The following PLEKHF2 variants were observed in gnomAD, a reference collection of about 807,000 sequenced individuals.
PLEKHF2 encodes the protein pleckstrin homology domain-containing family F member 2.
In PLEKHF2, 4 loss-of-function variants were observed where a neutral mutation model predicts 14.7. The observed-to-expected ratio is 0.27, with a 90% CI of 0.13 to 0.62. The LOEUF (loss-of-function observed/expected upper bound fraction) is 0.62, where lower values mean the gene tolerates loss of function less well. PLEKHF2 is among the 20% of genes least tolerant of loss of function. PLEKHF2 has a pLI of 0.85. For synonymous variants in PLEKHF2, 90 were observed against 103.5 expected, an observed-to-expected ratio of 0.87 and a Z score of 0.79; for missense variants, 201 against 307.7, an observed-to-expected ratio of 0.65 and a Z score of 2.60.
At position 95,155,959 on chromosome 8, in the gene PLEKHF2, A is replaced by G. The variant is rs534267639; in HGVS notation, c.*1165A>G. ...ATTTCTATTTTTGTAAAACAATTGTATGTATAATCTGTATTTGAAATCATT... is the reference window on the plus strand; with the variant it reads ...ATTTCTATTTTTGTAAAACAATTGTGTGTATAATCTGTATTTGAAATCATT... On this transcript the variant is annotated 3_prime_UTR_variant, in exon 2 of 2. Coordinates refer to ENST00000315367, the MANE Select transcript of PLEKHF2 (RefSeq NM_024613.4). 12 of 167,182 alleles carry G rather than the reference A, an allele frequency of 7.2e-5. No individual in the cohort carries two copies. The East Asian group carries it at 2.3e-3, about 32-fold the overall frequency. The allele number at this position is 167,182 out of a possible 1,614,324, so 10.4% of individuals were successfully genotyped here.
rs1165050462 is a variant in PLEKHF2, at chr8:95,151,874, A to AT, written c.-14-2151dup. 2.6e-5 allele frequency among the ~76,000 whole-genome samples: 4 copies of AT among 152,158 alleles called. No homozygotes were observed. The East Asian group carries it at 7.7e-4, about 29-fold the overall frequency. On this transcript the variant is annotated intron_variant, in intron 1 of 1. Coordinates refer to ENST00000315367, the MANE Select transcript of PLEKHF2 (RefSeq NM_024613.4). ...TACCATTGTTGATAGTATAGTATAT[A>AT]TTTTTTAACTTTATGTTGTGTGTGT...
chr8:95,139,899 C>T (rs1317292839), intron 1 of PLEKHF2, among the ~76,000 whole-genome samples: 2 of 151,488 alleles, frequency 1.3e-5, no homozygotes, highest in Non-Finnish European at 1.5e-5. Flanking sequence ...CATATGAGAG[C>T]AGGTTGAAAA....
intron 1 of PLEKHF2, among the ~76,000 whole-genome samples, chr8:95,147,909 G>A (rs1330045728): frequency 1.3e-5 from 2 of 151,866 alleles, no homozygotes; most frequent in Non-Finnish European, 2.9e-5. Flanking sequence ...TATTAGACAA[G>A]TCAGAAGATA....
At chr8:95,141,770 C>T (rs1321196652) in intron 1 of PLEKHF2, among the ~76,000 whole-genome samples, 1 of 151,284 alleles carries the variant, frequency 6.6e-6, no homozygotes, top group Non-Finnish European at 1.5e-5. Flanking sequence ...GAACTCCTGA[C>T]CTCAAGTGAT....
Position 95,154,740 on chromosome 8 carries a change from G to A in PLEKHF2, c.696G>A (p.Lys232=), listed in dbSNP as rs1315768046. The change falls in exon 2 of 2, where the codon AAG becomes AAA. Residue 232 remains lysine, a synonymous_variant. Coordinates refer to ENST00000315367, the MANE Select transcript of PLEKHF2 (RefSeq NM_024613.4). The surrounding 1 kb of genome is among the most constrained non-coding windows in gnomAD (Gnocchi z 5.6). ...ARSDSYSQSL[K]SPLNDMSDDD... ...CAGACTCTTACAGCCAGTCATTGAA[G>A]TCTCCTTTAAATGATATGTCTGATG... 3 of 1,613,968 alleles carry A rather than the reference G, an allele frequency of 1.9e-6. No individual in the cohort carries two copies. The highest frequency in any genetic ancestry group is 2.5e-6 in the Non-Finnish European group (3 of 1,179,986).
intron 1 of PLEKHF2, among the ~76,000 whole-genome samples, chr8:95,147,263 C>T (rs949171451): frequency 5.9e-5 from 9 of 151,992 alleles, no homozygotes; most frequent in African/African-American, 2.2e-4. Flanking sequence ...CTCCGGTGCA[C>T]AGGTCTTACC....
intron 1 of PLEKHF2, among the ~76,000 whole-genome samples, chr8:95,142,337 G>A (rs1441399): frequency 0.33 from 50,069 of 151,906 alleles, 10,105 homozygotes; most frequent in African/African-American, 0.56. Flanking sequence ...TCACTGCAGC[G>A]TTGGCCCCCC....
At chr8:95,149,252 C>T (rs1474535887) in intron 1 of PLEKHF2, among the ~76,000 whole-genome samples, 1 of 152,216 alleles carries the variant, frequency 6.6e-6, no homozygotes, top group East Asian at 1.9e-4. Flanking sequence ...TCCCTTAAGA[C>T]TCAGTTTATA....
At chr8:95,149,434 A>G (rs1293225393) in intron 1 of PLEKHF2, among the ~76,000 whole-genome samples, 1 of 152,226 alleles carries the variant, frequency 6.6e-6, no homozygotes, top group South Asian at 2.1e-4. Context: ...AAAGCGTAAT[A>G]CCCAGCATCT....
At chr8:95,137,079 T>A (rs1485891666) in intron 1 of PLEKHF2, among the ~76,000 whole-genome samples, 1 of 152,238 alleles carries the variant, frequency 6.6e-6, no homozygotes, top group Non-Finnish European at 1.5e-5. Flanking sequence ...GCATGTAGGA[T>A]GGACTGGAAC....
chr8:95,146,025 G>T (rs1362691931), intron 1 of PLEKHF2, among the ~76,000 whole-genome samples: 3 of 151,920 alleles, frequency 2.0e-5, no homozygotes, highest in Non-Finnish European at 4.4e-5. Flanking sequence ...TACATTTTCG[G>T]TAAAGTTTCA....
rs1810608957 is a variant in PLEKHF2 at position 95,155,495 on chromosome 8, GATT to G, written c.*704_*706del. 1 of 166,834 alleles carries G rather than the reference GATT, an allele frequency of 6.0e-6. No individual in the cohort carries two copies. Among genetic ancestry groups the G allele is most frequent in the Non-Finnish European group, 1.5e-5 (1 of 68,054 alleles). 10.3% of individuals were successfully genotyped at this position (166,834 alleles called of 1,614,324 possible). Reference sequence around the variant, plus strand: ...AAATATTTTTCCATAAAATAGTTGTGATTATATTTTTGTTTTATATAGGTCCCA... The same window carrying G: ...AAATATTTTTCCATAAAATAGTTGTGATATTTTTGTTTTATATAGGTCCCA... On this transcript the variant is annotated 3_prime_UTR_variant, in exon 2 of 2. Coordinates refer to ENST00000315367, the MANE Select transcript of PLEKHF2 (RefSeq NM_024613.4).
chr8:95,145,514 C>A (rs1179606933), intron 1 of PLEKHF2, among the ~76,000 whole-genome samples: 1 of 151,704 alleles, frequency 6.6e-6, no homozygotes, highest in African/African-American at 2.4e-5. Context: ...AGCTCCACTT[C>A]TCGGGTTCAA....
At chr8:95,143,248 C>T (rs1386932142) in intron 1 of PLEKHF2, among the ~76,000 whole-genome samples, 1 of 151,932 alleles carries the variant, frequency 6.6e-6, no homozygotes, top group South Asian at 2.1e-4. Context: ...TCCAGGCGCC[C>T]GCTACCGTGC....
At chr8:95,144,772 C>T (rs921816550) in intron 1 of PLEKHF2, among the ~76,000 whole-genome samples, 3 of 147,660 alleles carry the variant, frequency 2.0e-5, no homozygotes, top group Non-Finnish European at 4.5e-5. Flanking sequence ...GAGGCTGAGT[C>T]GGAATTGCTT....
Position 95,153,959 on chromosome 8 carries a change from T to C in PLEKHF2, c.-14-72T>C, listed in dbSNP as rs897620434. On this transcript the variant is annotated intron_variant, in intron 1 of 1. Transcript: ENST00000315367. ...GTGTAAAAGCAATGATTTGTTAGCT[T>C]AATTTATATATAATTAACTTATAGG... is the stretch of plus-strand genomic sequence containing the variant. The C allele has an allele frequency of 7.7e-6, 9 of 1,169,698 alleles. No individual in the cohort carries two copies. The Admixed American group carries it at 2.7e-4, about 35-fold the overall frequency. The allele number at this position is 1,169,698 out of a possible 1,614,324, so 72.5% of individuals were successfully genotyped here. A position where few individuals can be genotyped will look rare whatever the true frequency, so the allele number is the denominator to read the frequency against.
rs1810620204 is a variant in PLEKHF2 at position 95,156,414 on chromosome 8, A to T, written c.*1620A>T. The T allele has an allele frequency of 6.0e-6, 1 of 167,000 alleles. No homozygotes were observed. Among genetic ancestry groups the T allele is most frequent in the South Asian group, 2.1e-4 (1 of 4,830 alleles). 10.3% of individuals were successfully genotyped at this position (167,000 alleles called of 1,614,324 possible). A position where few individuals can be genotyped will look rare whatever the true frequency, so the allele number is the denominator to read the frequency against. ...GTAGGAAATGTGAAAGAAAAGCACA[A>T]CAAAACTAGGGTTTTTTGTTCATTT... On this transcript the variant is annotated 3_prime_UTR_variant, in exon 2 of 2. Transcript: ENST00000315367.
chr8:95,134,863 A>C (rs543539525), intron 1 of PLEKHF2, among the ~76,000 whole-genome samples: 30 of 152,296 alleles, frequency 2.0e-4, no homozygotes, highest in African/African-American at 7.0e-4. Context: ...GAAGAGACTC[A>C]TTAAAGAAAG....
At chr8:95,139,804 C>T (rs148316664) in intron 1 of PLEKHF2, among the ~76,000 whole-genome samples, 7 of 144,298 alleles carry the variant, frequency 4.9e-5, no homozygotes, top group Middle Eastern at 7.1e-3. Flanking sequence ...TGCCATTAGT[C>T]CTTGATTTTT....
Sources: gnomAD v4.1 joint callset for allele counts (sites outside exome capture counted in the v4.1 genomes callset) on GRCh38, gnomAD v4.1.1 for gene constraint, Gnocchi (gnomAD v3.1) non-coding constraint, MANE v1.5 for transcripts, NCBI Gene and HGNC (gene_info 2026-07-23, HGNC 2026-07-21) for gene names.